The following CPA6 variants were observed in gnomAD, a reference collection of about 807,000 sequenced individuals.
The protein encoded by CPA6 is carboxypeptidase A6, also known as carboxypeptidase B.
CPA6 carries 58 observed loss-of-function variants against 63.3 expected under a neutral mutation model. That is an observed-to-expected ratio of 0.92 (90% CI 0.74 to 1.14). The LOEUF (loss-of-function observed/expected upper bound fraction) is 1.14, where lower values mean the gene tolerates loss of function less well. Among genes scored for constraint, CPA6 ranks in the 50% most tolerant of loss-of-function variants. The probability of loss-of-function intolerance (pLI) is 0.00; values close to 1 mark genes in which losing one functional copy is unlikely to be tolerated. For missense variants in CPA6, 565 were observed against 526.6 expected (o/e 1.07, Z -0.71); for synonymous variants, 185 against 179.0 (o/e 1.03, Z -0.27).
At chr8:67,470,407 C>T (rs2128958862) in intron 8 of CPA6, among the ~76,000 whole-genome samples, 1 of 151,960 alleles carries the variant, frequency 6.6e-6, no homozygotes, top group East Asian at 1.9e-4. Flanking sequence ...AGTTACAGCG[C>T]CCAGCTTAGA....
chr8:67,735,347 A>T (rs894716558), intron 1 of CPA6: 2 of 152,218 alleles, frequency 1.3e-5, no homozygotes, highest in Non-Finnish European at 2.9e-5. Flanking sequence ...CTCTCCTGGT[A>T]TTGGGTCAGT....
intron 5 of CPA6, among the ~76,000 whole-genome samples, chr8:67,507,981 T>A (rs554248559): frequency 4.6e-5 from 7 of 150,952 alleles, no homozygotes; most frequent in African/African-American, 1.7e-4. Context: ...GGCTTCCTCC[T>A]GTATTCTATG....
chr8:67,472,699 A>G (rs921017470), intron 8 of CPA6, among the ~76,000 whole-genome samples: 32 of 152,184 alleles, frequency 2.1e-4, no homozygotes, highest in African/African-American at 7.5e-4. Flanking sequence ...AAATGCTGGG[A>G]GTACAGGCAT....
At chr8:67,588,386 G>A (rs1157026111) in intron 2 of CPA6, among the ~76,000 whole-genome samples, 1 of 152,204 alleles carries the variant, frequency 6.6e-6, no homozygotes, top group East Asian at 1.9e-4. Context: ...AATAAAAGAG[G>A]TGAATAGATT....
intron 2 of CPA6, among the ~76,000 whole-genome samples, chr8:67,593,278 A>G (rs1403242740): frequency 6.6e-6 from 1 of 150,664 alleles, no homozygotes; most frequent in Non-Finnish European, 1.5e-5. Context: ...GTTCTTTTAC[A>G]TTTGCTGAGG....
chr8:67,689,178 G>T lies in CPA6; in HGVS notation c.116+56836C>A, dbSNP rs181246517. 4.0e-3 allele frequency among the ~76,000 whole-genome samples: 614 copies of T among 151,928 alleles called. 4 individuals carry two copies. The highest frequency in any genetic ancestry group is 0.012 in the African/African-American group (513 of 41,382). ...ACTCAATGTACTCCCGTAACTTTTT[G>T]TTTTGGAAGTTACCGTTACGCCTGG... On this transcript the variant is annotated intron_variant, in intron 1 of 10. Coordinates refer to ENST00000297770, the MANE Select transcript of CPA6 (RefSeq NM_020361.5).
chr8:67,596,244 A>G (rs116279425), intron 2 of CPA6, among the ~76,000 whole-genome samples: 3,323 of 152,282 alleles, frequency 0.022, 57 homozygotes, highest in African/African-American at 0.049. Flanking sequence ...TTGTCTAAAC[A>G]TATCTTTATT....
intron 2 of CPA6, among the ~76,000 whole-genome samples, chr8:67,577,084 G>A (rs1693147192): frequency 6.6e-6 from 1 of 152,010 alleles, no homozygotes; most frequent in Admixed American, 6.6e-5. Flanking sequence ...CGAACTCCTG[G>A]CCTCAAGTGA....
intron 2 of CPA6, among the ~76,000 whole-genome samples, chr8:67,566,906 A>G (rs1415324237): frequency 6.6e-6 from 1 of 152,252 alleles, no homozygotes; most frequent in African/African-American, 2.4e-5. Context: ...TGTTCTTTAT[A>G]TAAGAATAGC....
chr8:67,605,577 A>G (rs550792545), intron 2 of CPA6, among the ~76,000 whole-genome samples: 7 of 144,934 alleles, frequency 4.8e-5, no homozygotes, highest in African/African-American at 1.8e-4. Flanking sequence ...GGTTGTTTGA[A>G]TATGTGAATA....
chr8:67,585,708 T>C (rs900430778), intron 2 of CPA6, among the ~76,000 whole-genome samples: 54 of 152,172 alleles, frequency 3.5e-4, no homozygotes, highest in Admixed American at 3.5e-3. Context: ...GATATGTTGA[T>C]ATGATACGTA....
At chr8:67,501,448 A>T (rs2128963834) in intron 6 of CPA6, among the ~76,000 whole-genome samples, 1 of 152,132 alleles carries the variant, frequency 6.6e-6, no homozygotes, top group Non-Finnish European at 1.5e-5. Context: ...CTCTTTCTTT[A>T]AGAGTTTTAT....
intron 2 of CPA6, among the ~76,000 whole-genome samples, chr8:67,559,486 C>G (rs1002221152): frequency 6.6e-6 from 1 of 152,134 alleles, no homozygotes; most frequent in African/African-American, 2.4e-5. Context: ...GATGTCCTAC[C>G]ATCTCTCCTT....
At chr8:67,567,198 G>A (rs1205689834) in intron 2 of CPA6, among the ~76,000 whole-genome samples, 1 of 152,156 alleles carries the variant, frequency 6.6e-6, no homozygotes, top group Non-Finnish European at 1.5e-5. Flanking sequence ...AGACAAACCT[G>A]TGCAACTCCT....
At chr8:67,626,170 A>G (rs761535597) in intron 1 of CPA6, among the ~76,000 whole-genome samples, 1 of 152,176 alleles carries the variant, frequency 6.6e-6, no homozygotes, top group Non-Finnish European at 1.5e-5. Context: ...TATTTTCTTC[A>G]TAAATTACCC....
rs1313080982 is a variant in CPA6 at position 67,741,113 on chromosome 8, AAAG to A, written c.116+4898_116+4900del. On this transcript the variant is annotated intron_variant, in intron 1 of 10. Coordinates refer to ENST00000297770, the MANE Select transcript of CPA6 (RefSeq NM_020361.5). ...CATCAAAGTGGCTTCCCTGAGACAC[AAAG>A]AAGAAGGGGGAAGAAACTGTCCCAA... is the stretch of plus-strand genomic sequence containing the variant. Among the ~76,000 whole-genome samples, 13 of 152,332 alleles carry A rather than the reference AAAG, an allele frequency of 8.5e-5. No homozygotes were observed. In the South Asian group the frequency reaches 1.9e-3, roughly 22 times the overall value.
chr8:67,547,208 G>A (rs993123430), intron 2 of CPA6, among the ~76,000 whole-genome samples: 17 of 152,012 alleles, frequency 1.1e-4, no homozygotes, highest in African/African-American at 3.4e-4. Flanking sequence ...CACCACGCCC[G>A]GCTAAATTTT....
At chr8:67,470,222 G>A (rs1811027380) in intron 8 of CPA6, among the ~76,000 whole-genome samples, 1 of 151,894 alleles carries the variant, frequency 6.6e-6, no homozygotes, top group South Asian at 2.1e-4. Context: ...TAGAGACGGG[G>A]TTTCCCCATA....
At chr8:67,587,814 G>A (rs1316287021) in intron 2 of CPA6, among the ~76,000 whole-genome samples, 2 of 152,292 alleles carry the variant, frequency 1.3e-5, no homozygotes, top group Admixed American at 1.3e-4. Flanking sequence ...AGGATGGTTT[G>A]TAAGATTAGG....
Sources: gnomAD v4.1 joint callset for allele counts (sites outside exome capture counted in the v4.1 genomes callset) on GRCh38, gnomAD v4.1.1 for gene constraint, MANE v1.5 for transcripts, NCBI Gene and HGNC (gene_info 2026-07-23, HGNC 2026-07-21) for gene names.